The following UBE2Q2 variants were observed in gnomAD, a reference collection of about 807,000 sequenced individuals.
UBE2Q2 encodes the protein ubiquitin-conjugating enzyme E2 Q2.
A neutral mutation model predicts 59.9 loss-of-function variants in UBE2Q2; 54 were observed. That is an observed-to-expected ratio of 0.90 (90% CI 0.72 to 1.13). The LOEUF (loss-of-function observed/expected upper bound fraction) is 1.13. Among genes scored for constraint, UBE2Q2 ranks in the 50% most tolerant of loss-of-function variants. UBE2Q2 has a pLI of 0.00. For synonymous variants in UBE2Q2, 165 were observed against 155.2 expected, an observed-to-expected ratio of 1.06 and a Z score of -0.47; for missense variants, 433 against 441.9, an observed-to-expected ratio of 0.98 and a Z score of 0.18.
chr15:75,849,221 A>G (rs1052889458), intron 1 of UBE2Q2, among the ~76,000 whole-genome samples: 11 of 152,226 alleles, frequency 7.2e-5, no homozygotes, highest in African/African-American at 2.7e-4. Flanking sequence ...ACTATATGCT[A>G]ATTCTGTCAA....
chr15:75,849,203 A>T (rs1355877647), intron 1 of UBE2Q2, among the ~76,000 whole-genome samples: 2 of 152,202 alleles, frequency 1.3e-5, no homozygotes, highest in African/African-American at 2.4e-5. Context: ...TTAGAATTTT[A>T]TTAAGGTACT....
At chr15:75,896,922 T>G in intron 11 of UBE2Q2, 73 bp from the exon 12 acceptor site, 2 of 903,166 alleles carry the variant, frequency 2.2e-6, no homozygotes, top group Admixed American at 2.3e-5. Flanking sequence ...CACAGTGTGA[T>G]GCATTCATAA....
rs559941733 is a variant in UBE2Q2 at position 75,873,424 on chromosome 15, G to C, written c.448-4G>C. On this transcript the variant is annotated splice_region_variant and splice_polypyrimidine_tract_variant and intron_variant, in intron 4 of 12. Transcript: ENST00000267938. ...ATAAGCTAACATTTTTCGTCTCTTT[G>C]TAGGATATAGAAGACTTAGATCACT... The C allele has an allele frequency of 6.3e-7, 1 of 1,589,588 alleles. No individual in the cohort carries two copies. The highest frequency in any genetic ancestry group is 1.4e-5 in the African/African-American group (1 of 73,284).
At chr15:75,876,776 T>G (rs1898108190) in intron 6 of UBE2Q2, among the ~76,000 whole-genome samples, 4 of 152,218 alleles carry the variant, frequency 2.6e-5, no homozygotes, top group Admixed American at 2.6e-4. Context: ...ACTTGAATGT[T>G]ATGGAACCTC....
intron 5 of UBE2Q2, 98 bp from the exon 6 acceptor site, chr15:75,876,089 A>C: frequency 5.9e-6 from 4 of 682,916 alleles, no homozygotes; most frequent in Non-Finnish European, 9.5e-6. Flanking sequence ...AAAAATGTTG[A>C]GTGGTGATCC....
Position 75,843,631 on chromosome 15 carries a change from C to T in UBE2Q2, c.-36C>T. On this transcript the variant is annotated 5_prime_UTR_variant, in exon 1 of 13. Transcript: ENST00000267938. The stretch of plus-strand genomic sequence containing the variant: ...CCGGCTCCCCTTCCGCGCCCGGCTC[C>T]CCTTCCGCGCCCCTCCCGCCGGAGA... 6.4e-7 allele frequency: 1 copy of T among 1,557,798 alleles called. No individual in the cohort carries two copies.
chr15:75,843,553 G>C lies in UBE2Q2; in HGVS notation c.-114G>C. 1.4e-6 allele frequency: 1 copy of C among 690,726 alleles called. No individual in the cohort carries two copies. 42.8% of individuals were successfully genotyped at this position (690,726 alleles called of 1,614,324 possible). A position where few individuals can be genotyped will look rare whatever the true frequency, so the allele number is the denominator to read the frequency against. The stretch of plus-strand genomic sequence containing the variant: ...CTCGACGAGGCGGAGCCGCGAGAGC[G>C]CGGCCCAGGCCGGCCCCGCGGGGCG... On this transcript the variant is annotated 5_prime_UTR_variant, in exon 1 of 13. Coordinates refer to ENST00000267938, the MANE Select transcript of UBE2Q2 (RefSeq NM_173469.4).
chr15:75,894,245 C>T (rs897697822), intron 11 of UBE2Q2, among the ~76,000 whole-genome samples: 18 of 151,958 alleles, frequency 1.2e-4, no homozygotes, highest in African/African-American at 3.9e-4. Context: ...ATGAATCAAG[C>T]CTCTGATTGT....
intron 5 of UBE2Q2, among the ~76,000 whole-genome samples, chr15:75,874,864 T>G (rs986302660): frequency 1.3e-5 from 2 of 152,236 alleles, no homozygotes; most frequent in African/African-American, 4.8e-5. Flanking sequence ...TAGCAGTTAC[T>G]TTGTCTTGGG....
intron 1 of UBE2Q2, chr15:75,844,134 C>T: frequency 7.1e-7 from 1 of 1,412,030 alleles, no homozygotes; most frequent in Non-Finnish European, 9.2e-7. Context: ...GAGTCCGCGG[C>T]GGCCCAAGCC....
intron 3 of UBE2Q2, among the ~76,000 whole-genome samples, chr15:75,865,443 GT>G (rs1897410922): frequency 6.6e-6 from 1 of 152,162 alleles, no homozygotes; most frequent in African/African-American, 2.4e-5. Context: ...CATGTGGGTT[GT>G]TTCCAGTGTT....
intron 3 of UBE2Q2, among the ~76,000 whole-genome samples, chr15:75,868,466 G>T (rs1406930283): frequency 6.6e-6 from 1 of 152,090 alleles, no homozygotes; most frequent in African/African-American, 2.4e-5. Context: ...TCTTAGTTTT[G>T]TGAAATGTCT....
intron 1 of UBE2Q2, among the ~76,000 whole-genome samples, chr15:75,847,518 T>A (rs1358843046): frequency 6.6e-6 from 1 of 152,190 alleles, no homozygotes; most frequent in Non-Finnish European, 1.5e-5. Flanking sequence ...CCTCGAGTCC[T>A]TTTTATTCTT....
chr15:75,875,251 A>G (rs1290428194), intron 5 of UBE2Q2, among the ~76,000 whole-genome samples: 10 of 152,222 alleles, frequency 6.6e-5, no homozygotes, highest in Admixed American at 6.5e-4. Flanking sequence ...GAGATAGGAA[A>G]AACTTCTCAT....
At chr15:75,891,175 TAAGA>T (rs1899080476) in intron 11 of UBE2Q2, among the ~76,000 whole-genome samples, 161 bp downstream of exon 11, 2 of 152,220 alleles carry the variant, frequency 1.3e-5, no homozygotes, top group Admixed American at 1.3e-4. Context: ...TATGGAATTA[TAAGA>T]AAATTAAAGA....
intron 11 of UBE2Q2, among the ~76,000 whole-genome samples, chr15:75,891,326 AGTAT>A (rs757437179): frequency 6.6e-6 from 1 of 152,180 alleles, no homozygotes; most frequent in Non-Finnish European, 1.5e-5. Context: ...ACTTATTATT[AGTAT>A]GTATAGTGTA....
At chr15:75,884,698 T>G (rs2066247874) in intron 9 of UBE2Q2, among the ~76,000 whole-genome samples, 2 of 25,750 alleles carry the variant, frequency 7.8e-5, no homozygotes, top group Admixed American at 1.7e-3. Flanking sequence ...CTCGCTTTGT[T>G]GCTCAGGCTG....
Position 75,899,507 on chromosome 15 carries a change from T to C in UBE2Q2, c.*49T>C. On this transcript the variant is annotated 3_prime_UTR_variant, in exon 13 of 13. Coordinates refer to ENST00000267938, the MANE Select transcript of UBE2Q2 (RefSeq NM_173469.4). The stretch of plus-strand genomic sequence containing the variant: ...GACTAATGTTGCTTTAAAGAAAATC[T>C]TTCTAACATGCAGACAAAAGCTTTG... 2.0e-6 allele frequency: 3 copies of C among 1,532,372 alleles called. No homozygotes were observed. The highest frequency in any genetic ancestry group is 1.8e-6 in the Non-Finnish European group (2 of 1,123,888). The allele number at this position is 1,532,372 out of a possible 1,614,324, so 94.9% of individuals were successfully genotyped here.
intron 3 of UBE2Q2, among the ~76,000 whole-genome samples, chr15:75,868,558 G>C (rs1470194145): frequency 6.6e-6 from 1 of 152,114 alleles, no homozygotes; most frequent in Non-Finnish European, 1.5e-5. Context: ...AAGTTAAAAA[G>C]GGAGCTATTT....
Sources: allele counts gnomAD v4.1 joint callset (sites outside exome capture counted in the v4.1 genomes callset), GRCh38; gene constraint gnomAD v4.1.1; transcripts MANE v1.5; gene names NCBI Gene and HGNC (gene_info 2026-07-23, HGNC 2026-07-21).